ITGB1: variants seen among roughly 807,000 people sequenced by gnomAD.
ITGB1 encodes integrin subunit beta 1, also known as integrin beta-1.
In ITGB1, 24 loss-of-function variants were observed where a neutral mutation model predicts 86.5. That is an observed-to-expected ratio of 0.28 (90% CI 0.20 to 0.39). The LOEUF is 0.39. Among genes scored for constraint, ITGB1 ranks in the 10% least tolerant of loss-of-function variants. ITGB1 has a pLI of 1.00. For missense variants in ITGB1, 556 were observed against 946.9 expected (o/e 0.59, Z 5.42); for synonymous variants, 323 against 316.8 (o/e 1.02, Z -0.21).
In ITGB1 at chr10:32,923,704, C is replaced by T. The variant is rs1395894985; in HGVS notation, c.823G>A (p.Val275Met). The stretch of plus-strand genomic sequence containing the variant: ...TGAAACCCGGCATCTGTGGAAAACA[C>T]CAGCAGCCGTGTAACATTCCTCCAG... ...IGWRNVTRLL[V>M]FSTDAGFHFA... is the part of the protein sequence containing the mutation. Residue 275 changes from valine (V) to methionine (M), a missense_variant, in exon 7 of 16, where the codon GTG becomes ATG. This residue lies in a region of ITGB1 where 25 missense variants were observed against 76.3 expected (regional missense o/e 0.33). Transcript: ENST00000302278. The T allele has an allele frequency of 6.2e-7, 1 of 1,613,622 alleles. No individual in the cohort carries two copies. The highest frequency in any genetic ancestry group is 1.3e-5 in the African/African-American group (1 of 74,878).
At chr10:32,952,391 GT>G (rs1162252569) in intron 1 of ITGB1, among the ~76,000 whole-genome samples, 2 of 151,574 alleles carry the variant, frequency 1.3e-5, no homozygotes, top group Admixed American at 6.6e-5. Flanking sequence ...GTACTTTTTT[GT>G]AACATTTTTC....
In ITGB1 at chr10:32,943,587, C is replaced by T. The variant is rs191474866; in HGVS notation, c.1-8029G>A. Among the ~76,000 whole-genome samples, 13 of 151,828 alleles carry T rather than the reference C, an allele frequency of 8.6e-5. No individual in the cohort carries two copies. In the South Asian group the frequency reaches 1.0e-3, roughly 12 times the overall value. On this transcript the variant is annotated intron_variant, in intron 1 of 15. Transcript: ENST00000302278. ...AGGGAGGTGAGAGGAGAGGGGACCA[C>T]GGAAACAAGGAAGTGAAAAGAGCTG...
chr10:32,949,703 G>A (rs1286597277), intron 1 of ITGB1, among the ~76,000 whole-genome samples: 1 of 152,034 alleles, frequency 6.6e-6, no homozygotes, highest in Non-Finnish European at 1.5e-5. Context: ...TGTTTCCACT[G>A]TCAAAAATAG....
rs1479680336 is a variant in ITGB1 at position 32,958,175 on chromosome 10, G to C, written c.-31C>G. On this transcript the variant is annotated 5_prime_UTR_variant, in exon 1 of 16. Coordinates refer to ENST00000302278, the MANE Select transcript of ITGB1 (RefSeq NM_002211.4). ...CCGCGCGGCGTCCGGGGCCCGGCGC[G>C]GTGGGCTCGGGCCTGCTGTTCCGCG... The C allele has an allele frequency of 2.0e-5, 3 of 151,428 alleles. No individual in the cohort carries two copies. The highest frequency in any genetic ancestry group is 3.9e-4 in the East Asian group (2 of 5,144). The allele number at this position is 151,428 out of a possible 1,614,324, so 9.4% of individuals were successfully genotyped here.
At chr10:32,904,476 G>C (rs2094890905) in intron 15 of ITGB1, among the ~76,000 whole-genome samples, 1 of 152,208 alleles carries the variant, frequency 6.6e-6, no homozygotes, top group Non-Finnish European at 1.5e-5. Context: ...CATAGCAGCA[G>C]ATGAGGACAG....
chr10:32,911,898 A>C lies in ITGB1; in HGVS notation c.1696T>G (p.Leu566Val). ...DNFNCDRSNG[L>V]ICGGNGVCKC... is the part of the protein sequence containing the mutation. ...GCCCTTTACTTACCTCCACAAATTAAGCCATTGGATCTATCACAGTTGAAA... is the reference window on the plus strand; with the variant it reads ...GCCCTTTACTTACCTCCACAAATTACGCCATTGGATCTATCACAGTTGAAA... The change falls in exon 12 of 16, where the codon TTA becomes GTA. Residue 566 changes from leucine to valine, a missense_variant. Coordinates refer to ENST00000302278, the MANE Select transcript of ITGB1 (RefSeq NM_002211.4). 1 of 1,611,640 alleles carries C rather than the reference A, an allele frequency of 6.2e-7. No individual in the cohort carries two copies. Among genetic ancestry groups the C allele is most frequent in the Non-Finnish European group, 8.5e-7 (1 of 1,178,668 alleles).
chr10:32,928,929 T>C (rs1593871672), intron 4 of ITGB1, among the ~76,000 whole-genome samples: 1 of 152,008 alleles, frequency 6.6e-6, no homozygotes, highest in Non-Finnish European at 1.5e-5. Context: ...AAATTTTAAC[T>C]TGTAGTTTTC....
intron 15 of ITGB1, among the ~76,000 whole-genome samples, chr10:32,902,748 T>G (rs1358220364): frequency 6.6e-6 from 1 of 152,246 alleles, no homozygotes; most frequent in Non-Finnish European, 1.5e-5. Flanking sequence ...TTAAATTTTA[T>G]TCACACTTCA....
At chr10:32,936,843 G>C (rs1407012527) in intron 1 of ITGB1, among the ~76,000 whole-genome samples, 1 of 151,974 alleles carries the variant, frequency 6.6e-6, no homozygotes, top group Non-Finnish European at 1.5e-5. Context: ...ACTCAAAAAA[G>C]CAAATTTATA....
rs188658960 is a variant in ITGB1 at position 32,945,495 on chromosome 10, A to C, written c.1-9937T>G. Among the ~76,000 whole-genome samples the C allele has an allele frequency of 6.4e-3, 972 of 152,184 alleles. 6 individuals are homozygous for C. The highest frequency in any genetic ancestry group is 0.021 in the African/African-American group (868 of 41,500). On this transcript the variant is annotated intron_variant, in intron 1 of 15. Coordinates refer to ENST00000302278, the MANE Select transcript of ITGB1 (RefSeq NM_002211.4). The stretch of plus-strand genomic sequence containing the variant: ...GCGCCTGTAGTCCCAGCTACTCGGG[A>C]GGCTGAGGCAGGAGAATGGCGTGAA...
At chr10:32,945,229 A>G (rs940001080) in intron 1 of ITGB1, among the ~76,000 whole-genome samples, 7 of 152,218 alleles carry the variant, frequency 4.6e-5, no homozygotes, top group African/African-American at 1.2e-4. Flanking sequence ...CAAAACCATC[A>G]GAGATGTCTT....
intron 6 of ITGB1, among the ~76,000 whole-genome samples, chr10:32,924,673 C>G (rs1189801307): frequency 6.6e-5 from 10 of 152,182 alleles, no homozygotes; most frequent in Admixed American, 6.5e-4. Context: ...CCACAACGAG[C>G]TGCTAACAGG....
intron 15 of ITGB1, among the ~76,000 whole-genome samples, chr10:32,903,526 G>A (rs1478920938): frequency 6.6e-6 from 1 of 152,014 alleles, no homozygotes; most frequent in Non-Finnish European, 1.5e-5. Context: ...GCTGGGTCCT[G>A]CAAGACACCA....
chr10:32,958,005 C>A (rs1445478476), intron 1 of ITGB1, 140 bp downstream of exon 1: 1 of 150,198 alleles, frequency 6.7e-6, no homozygotes, highest in Non-Finnish European at 1.5e-5. Context: ...GCGGCCGCCC[C>A]CGCCCCCGCC....
At chr10:32,910,096 G>A (rs1486458531) in intron 14 of ITGB1, 127 bp downstream of exon 14, 3 of 646,776 alleles carry the variant, frequency 4.6e-6, no homozygotes, top group Non-Finnish European at 8.2e-6. Context: ...AGCTTTGAGA[G>A]ATGAAAAATT....
At chr10:32,948,208 A>C (rs1216821750) in intron 1 of ITGB1, among the ~76,000 whole-genome samples, 2 of 152,180 alleles carry the variant, frequency 1.3e-5, no homozygotes, top group African/African-American at 2.4e-5. Flanking sequence ...TATAGATTCC[A>C]CATCCAAGTA....
chr10:32,907,201 GTGTTT>G, intron 15 of ITGB1: 1 of 642,520 alleles, frequency 1.6e-6, no homozygotes, highest in Non-Finnish European at 2.6e-6. Context: ...TCCCTTTATA[GTGTTT>G]GAACACTATA....
At chr10:32,913,104 A>C (rs1026296025) in intron 11 of ITGB1, among the ~76,000 whole-genome samples, 4 of 152,254 alleles carry the variant, frequency 2.6e-5, no homozygotes, top group African/African-American at 9.6e-5. Flanking sequence ...GAGGGTCCTG[A>C]CTGTTAGAAG....
chr10:32,931,845 C>G (rs2094984421), intron 3 of ITGB1, among the ~76,000 whole-genome samples: 1 of 152,146 alleles, frequency 6.6e-6, no homozygotes, highest in Non-Finnish European at 1.5e-5. Context: ...TCCTTACCTT[C>G]TCTTTTGATA....
Sources: gnomAD v4.1 joint callset for allele counts (sites outside exome capture counted in the v4.1 genomes callset) on GRCh38, gnomAD v4.1.1 for gene constraint, gnomAD v4.1.1 regional missense constraint, MANE v1.5 for transcripts, NCBI Gene and HGNC (gene_info 2026-07-23, HGNC 2026-07-21) for gene names.